Variants in ATP8A2 observed in about 807,000 individuals in gnomAD.
ATP8A2 encodes ATPase phospholipid transporting 8A2.
ATP8A2 carries 100 observed loss-of-function variants against 165.6 expected under a neutral mutation model. That is an observed-to-expected ratio of 0.60 (90% confidence interval 0.51 to 0.71). The LOEUF (loss-of-function observed/expected upper bound fraction) is 0.71. ATP8A2 is among the 30% of genes least tolerant of loss of function. The probability of loss-of-function intolerance (pLI) is 0.00; values close to 1 mark genes in which losing one functional copy is unlikely to be tolerated. For synonymous variants in ATP8A2, 543 were observed against 548.8 expected, an observed-to-expected ratio of 0.99 and a Z score of 0.15; for missense variants, 1,227 against 1,479.5, an observed-to-expected ratio of 0.83 and a Z score of 2.80.
At position 25,829,720 on chromosome 13, in the gene ATP8A2, A is replaced by ATATATG. The variant is rs1951416442; in HGVS notation, c.2754+1529_2754+1530insATATGT. Among the ~76,000 whole-genome samples the ATATATG allele has an allele frequency of 1.9e-5, 2 of 103,566 alleles. 1 individual carries two copies. Among genetic ancestry groups the ATATATG allele is most frequent in the Non-Finnish European group, 3.9e-5 (2 of 51,474 alleles). The allele number at this position is 103,566 out of a possible 152,430, so 67.9% of individuals were successfully genotyped here. A position where few individuals can be genotyped will look rare whatever the true frequency, so the allele number is the denominator to read the frequency against. Reference sequence around the variant, plus strand: ...TATATATATATATATATATATATATATCACCTGCTTATAGTATGAGTGGAT... The same window carrying ATATATG: ...TATATATATATATATATATATATATATATATGTCACCTGCTTATAGTATGAGTGGAT... On this transcript the variant is annotated intron_variant, in intron 28 of 36. Coordinates refer to ENST00000381655, the MANE Select transcript of ATP8A2 (RefSeq NM_016529.6).
intron 2 of ATP8A2, among the ~76,000 whole-genome samples, chr13:25,522,700 A>T (rs558812849): frequency 5.3e-5 from 8 of 152,204 alleles, no homozygotes; most frequent in African/African-American, 1.9e-4. Flanking sequence ...TGTTAATGTC[A>T]TATATCACAT....
intron 35 of ATP8A2, among the ~76,000 whole-genome samples, chr13:25,988,683 C>G (rs137921370): frequency 6.6e-6 from 1 of 152,144 alleles, no homozygotes; most frequent in African/African-American, 2.4e-5. Context: ...TTTACCCACA[C>G]CCCACCTTAT....
At chr13:25,483,903 C>G (rs1485802156) in intron 2 of ATP8A2, among the ~76,000 whole-genome samples, 1 of 152,190 alleles carries the variant, frequency 6.6e-6, no homozygotes, top group Non-Finnish European at 1.5e-5. Context: ...CCAAAACAAT[C>G]AATTATAAGC....
chr13:25,900,436 G>A (rs1000849984), intron 33 of ATP8A2, among the ~76,000 whole-genome samples: 1 of 152,172 alleles, frequency 6.6e-6, no homozygotes, highest in Non-Finnish European at 1.5e-5. Context: ...GAAGGGATGT[G>A]TTGTGAGACA....
chr13:25,958,531 C>T (rs762479870), intron 33 of ATP8A2, among the ~76,000 whole-genome samples: 18 of 152,174 alleles, frequency 1.2e-4, no homozygotes, highest in Non-Finnish European at 1.9e-4. Context: ...GTCTGGCTCT[C>T]ACCAGCTTGT....
At chr13:25,402,458 G>A (rs2033667925) in intron 1 of ATP8A2, among the ~76,000 whole-genome samples, 1 of 152,118 alleles carries the variant, frequency 6.6e-6, no homozygotes, top group Admixed American at 6.5e-5. Context: ...TGATTTTAAA[G>A]GTCCTTTAAA....
At chr13:25,566,434 A>G (rs1747721748) in intron 16 of ATP8A2, among the ~76,000 whole-genome samples, 1 of 152,204 alleles carries the variant, frequency 6.6e-6, no homozygotes, top group Non-Finnish European at 1.5e-5. Flanking sequence ...AGCACTCGAG[A>G]GGAAAGAAGT....
rs569717424 is a variant in ATP8A2, at chr13:25,387,598, G to T, written c.76+15310G>T. Among the ~76,000 whole-genome samples, 8 of 152,220 alleles carry T rather than the reference G, an allele frequency of 5.3e-5. No homozygotes were observed. The South Asian group carries it at 1.7e-3, about 32-fold the overall frequency. ...TTTATCAACTTACTTCGAGGCGCAC[G>T]TAGAGAAATAGGAGAACAATTGGAG... On this transcript the variant is annotated intron_variant, in intron 1 of 36. Coordinates refer to ENST00000381655, the MANE Select transcript of ATP8A2 (RefSeq NM_016529.6).
chr13:25,743,342 A>G (rs1593281677), intron 25 of ATP8A2, among the ~76,000 whole-genome samples: 1 of 152,120 alleles, frequency 6.6e-6, no homozygotes, highest in East Asian at 1.9e-4. Context: ...ACCTTGATCT[A>G]CACCTCCGGC....
At position 25,395,480 on chromosome 13, in the gene ATP8A2, G is replaced by A. The variant is rs534647243; in HGVS notation, c.76+23192G>A. On this transcript the variant is annotated intron_variant, in intron 1 of 36. Coordinates refer to ENST00000381655, the MANE Select transcript of ATP8A2 (RefSeq NM_016529.6). ...AGAAAAGGCATACACATTTATTAAC[G>A]TATACATGGGAGCCTTCAGAATAAA... 6.6e-5 allele frequency among the ~76,000 whole-genome samples: 10 copies of A among 152,176 alleles called. 1 individual carries two copies. In the South Asian group the frequency reaches 1.9e-3, roughly 28 times the overall value.
At chr13:25,542,856 A>G (rs928686146) in intron 9 of ATP8A2, among the ~76,000 whole-genome samples, 6 of 152,068 alleles carry the variant, frequency 3.9e-5, no homozygotes, top group Non-Finnish European at 8.8e-5. Flanking sequence ...AATTGATATG[A>G]TAGGTTGCTG....
chr13:25,801,119 C>A (rs527747708), intron 27 of ATP8A2, among the ~76,000 whole-genome samples: 1 of 152,248 alleles, frequency 6.6e-6, no homozygotes, highest in East Asian at 1.9e-4. Context: ...AGAAATCTGC[C>A]TTATGGAAAG....
Position 25,774,916 on chromosome 13 carries a change from T to C in ATP8A2, c.2636T>C (p.Ile879Thr). ...AWSYNRVTKC[I>T]LYCFYKNVVL... ...AGCTACAACCGGGTGACCAAGTGCA[T>C]CTTGTACTGCTTCTATAAGAACGTG... Residue 879 changes from isoleucine to threonine, a missense_variant, in exon 27 of 37, where the codon ATC becomes ACC. Physicochemically the swap from Ile to Thr is moderately conservative, Grantham distance 89 (BLOSUM62 -1). Around this residue, in one of 5 missense-constraint regions of ATP8A2, gnomAD observed 592 missense variants for 785.6 expected, o/e 0.75. Transcript: ENST00000381655. 2 of 1,613,564 alleles carry C rather than the reference T, an allele frequency of 1.2e-6. No homozygotes were observed. The highest frequency in any genetic ancestry group is 1.7e-6 in the Non-Finnish European group (2 of 1,179,470).
chr13:25,503,268 A>G (rs187773857), intron 2 of ATP8A2, among the ~76,000 whole-genome samples: 1 of 152,304 alleles, frequency 6.6e-6, no homozygotes, highest in African/African-American at 2.4e-5. Flanking sequence ...TTCTGTGGAA[A>G]TGGGTACTGG....
At chr13:25,941,238 C>G (rs1446701597) in intron 33 of ATP8A2, among the ~76,000 whole-genome samples, 1 of 152,164 alleles carries the variant, frequency 6.6e-6, no homozygotes, top group African/African-American at 2.4e-5. Flanking sequence ...GGGGCCTCCT[C>G]CTATGCCTCC....
intron 24 of ATP8A2, among the ~76,000 whole-genome samples, chr13:25,693,928 G>C (rs757760279): frequency 6.6e-6 from 1 of 152,140 alleles, no homozygotes; most frequent in Non-Finnish European, 1.5e-5. Context: ...GCAGTGGCAC[G>C]ATCTTGACTC....
At chr13:25,512,982 G>A (rs1284397701) in intron 2 of ATP8A2, among the ~76,000 whole-genome samples, 20 of 133,816 alleles carry the variant, frequency 1.5e-4, no homozygotes, top group Non-Finnish European at 2.0e-4. Context: ...CCTCCCTCCC[G>A]GACGGGGTGG....
At chr13:25,457,887 G>A (rs1033492603) in intron 1 of ATP8A2, among the ~76,000 whole-genome samples, 2 of 152,242 alleles carry the variant, frequency 1.3e-5, no homozygotes, top group African/African-American at 4.8e-5. Flanking sequence ...TGTCAGTGGA[G>A]TTGGGAACAA....
intron 35 of ATP8A2, among the ~76,000 whole-genome samples, chr13:25,982,952 A>T (rs923892665): frequency 6.6e-6 from 1 of 152,216 alleles, no homozygotes; most frequent in East Asian, 1.9e-4. Flanking sequence ...TTCTCAAAGG[A>T]TATAACCACA....
Sources: gnomAD v4.1 joint callset for allele counts (sites outside exome capture counted in the v4.1 genomes callset) on GRCh38, gnomAD v4.1.1 for gene constraint, gnomAD v4.1.1 regional missense constraint, MANE v1.5 for transcripts, NCBI Gene and HGNC (gene_info 2026-07-23, HGNC 2026-07-21) for gene names.